DPH6: variants seen among roughly 807,000 people sequenced by gnomAD.
DPH6 encodes the protein diphthamine biosynthesis 6, also known as diphthine--ammonia ligase.
A neutral mutation model predicts 38.2 loss-of-function variants in DPH6; 33 were observed. The observed-to-expected ratio is 0.86, with a 90% CI of 0.65 to 1.15. The LOEUF is 1.15. DPH6 is among the 50% of genes most tolerant of loss of function. DPH6 has a pLI of 0.00. For missense variants in DPH6, 325 were observed against 320.0 expected (o/e 1.02, Z -0.12); for synonymous variants, 108 against 103.0 (o/e 1.05, Z -0.30).
In DPH6 at chr15:35,450,734, C is replaced by G. The variant is rs920672304; in HGVS notation, c.456G>C (p.Glu152Asp). 6.2e-7 allele frequency: 1 copy of G among 1,613,280 alleles called. No homozygotes were observed. Among genetic ancestry groups the G allele is most frequent in the Admixed American group, 1.7e-5 (1 of 59,936 alleles). Residue 152 changes from glutamate (E) to aspartate (D), a missense_variant, in exon 5 of 9, where the codon GAG becomes GAC. By Grantham distance (45) the Glu-to-Asp change is conservative (BLOSUM62 2). Coordinates refer to ENST00000256538, the MANE Select transcript of DPH6 (RefSeq NM_080650.4). ...WQRNQEDLLREMISSNIQAMI... is the reference protein window; with the variant it reads ...WQRNQEDLLRDMISSNIQAMI... Reference sequence around the variant, plus strand: ...TTGCTTGAATGTTAGATGATATCATCTCTCTGAGCAAATCTTCCTGGTTTC... The same window carrying G: ...TTGCTTGAATGTTAGATGATATCATGTCTCTGAGCAAATCTTCCTGGTTTC...
chr15:35,383,547 A>G (rs2052900760), intron 6 of DPH6, among the ~76,000 whole-genome samples: 2 of 152,214 alleles, frequency 1.3e-5, no homozygotes, highest in African/African-American at 2.4e-5. Context: ...AACATCACAC[A>G]CTAATGACGC....
At chr15:35,181,272 G>A in the DPH6 span, among the ~76,000 whole-genome samples, 2 of 151,944 alleles carry the variant, frequency 1.3e-5, no homozygotes, top group African/African-American at 4.8e-5. Context: ...TTACATTTGT[G>A]TTAGTGCCAG....
rs2052707362 is a variant in DPH6 at position 35,371,059 on chromosome 15, T to C, written c.*1091A>G. 4 of 151,648 alleles carry C rather than the reference T, an allele frequency of 2.6e-5. No homozygotes were observed. Among genetic ancestry groups the C allele is most frequent in the East Asian group, 3.9e-4 (2 of 5,148 alleles). The allele number at this position is 151,648 out of a possible 1,614,324, so 9.4% of individuals were successfully genotyped here. A position where few individuals can be genotyped will look rare whatever the true frequency, so the allele number is the denominator to read the frequency against. ...CAAGATACAGAGAAACCTAAATGCA[T>C]ATTAATACATGAAAGAAGCCAATCT... is the stretch of plus-strand genomic sequence containing the variant. On this transcript the variant is annotated 3_prime_UTR_variant, in exon 9 of 9. Transcript: ENST00000256538.
chr15:35,255,836 C>G (rs1419942326), intron 3 of DPH6, among the ~76,000 whole-genome samples: 4 of 151,752 alleles, frequency 2.6e-5, no homozygotes, highest in Admixed American at 2.0e-4. Flanking sequence ...TTCATTCTAT[C>G]CATTAGGATT....
At chr15:35,312,891 A>G (rs1288920075) in intron 3 of DPH6, among the ~76,000 whole-genome samples, 4 of 152,084 alleles carry the variant, frequency 2.6e-5, no homozygotes, top group African/African-American at 9.7e-5. Context: ...GTTTGTTTTT[A>G]TACCACTACC....
intron 5 of DPH6, among the ~76,000 whole-genome samples, chr15:35,444,857 G>C (rs535390646): frequency 6.7e-6 from 1 of 149,104 alleles, no homozygotes; most frequent in East Asian, 2.0e-4. Context: ...GGTCTGATTT[G>C]GTATGATATT....
At chr15:35,313,681 G>T (rs2052163328) in intron 3 of DPH6, among the ~76,000 whole-genome samples, 1 of 151,964 alleles carries the variant, frequency 6.6e-6, no homozygotes, top group Non-Finnish European at 1.5e-5. Context: ...TTTGTATCCT[G>T]CAATTATTGA....
intron 5 of DPH6, among the ~76,000 whole-genome samples, chr15:35,414,041 G>C (rs10520001): frequency 0.31 from 46,148 of 151,246 alleles, 7,694 homozygotes; most frequent in African/African-American, 0.45. Context: ...CACTAAACAG[G>C]CTTCATCATT....
intron 3 of DPH6, among the ~76,000 whole-genome samples, chr15:35,356,438 T>C (rs2140900101): frequency 6.6e-6 from 1 of 152,342 alleles, no homozygotes; most frequent in South Asian, 2.1e-4. Flanking sequence ...TCTTTGATGA[T>C]GGTGACGTAC....
chr15:35,521,697 T>C, intron 3 of DPH6: 1 of 1,231,334 alleles, frequency 8.1e-7, no homozygotes. Flanking sequence ...AAGAGCAGCA[T>C]ATTAAAATCA....
chr15:35,370,141 T>A (rs1014333717), downstream of DPH6, among the ~76,000 whole-genome samples: 5 of 151,712 alleles, frequency 3.3e-5, no homozygotes, highest in African/African-American at 1.2e-4. Flanking sequence ...ACTGAATAAC[T>A]ACATTTTTAA....
At chr15:35,163,526 G>A in the DPH6 span, among the ~76,000 whole-genome samples, 1 of 151,848 alleles carries the variant, frequency 6.6e-6, no homozygotes, top group Non-Finnish European at 1.5e-5. Flanking sequence ...AATAGAATAA[G>A]CTAATGCATA....
At chr15:35,323,144 T>C (rs977962102) in intron 3 of DPH6, among the ~76,000 whole-genome samples, 1 of 152,130 alleles carries the variant, frequency 6.6e-6, no homozygotes, top group Non-Finnish European at 1.5e-5. Flanking sequence ...AGTGGAGACA[T>C]AAAGTAATTA....
At chr15:35,474,563 T>A (rs1028619203) in intron 3 of DPH6, among the ~76,000 whole-genome samples, 2 of 152,176 alleles carry the variant, frequency 1.3e-5, no homozygotes, top group African/African-American at 4.8e-5. Flanking sequence ...TGCCAGTTTT[T>A]CTTCATAGAT....
intron 3 of DPH6, among the ~76,000 whole-genome samples, chr15:35,305,449 G>A (rs2052082720): frequency 6.6e-6 from 1 of 151,704 alleles, no homozygotes; most frequent in African/African-American, 2.4e-5. Flanking sequence ...TTATTCCTGT[G>A]ATTCAAACCA....
intron 3 of DPH6, among the ~76,000 whole-genome samples, chr15:35,272,644 C>G (rs896918444): frequency 2.0e-5 from 3 of 152,064 alleles, no homozygotes; most frequent in Non-Finnish European, 4.4e-5. Context: ...CATGGTGGCT[C>G]ACACCTGTAA....
chr15:35,295,339 C>CT (rs2140790864), intron 3 of DPH6, among the ~76,000 whole-genome samples: 1 of 152,294 alleles, frequency 6.6e-6, no homozygotes, highest in South Asian at 2.1e-4. Flanking sequence ...TTGACTTTTT[C>CT]TTCACCTTTT....
chr15:35,255,294 C>T (rs535898102), intron 3 of DPH6, among the ~76,000 whole-genome samples: 1 of 152,196 alleles, frequency 6.6e-6, no homozygotes, highest in South Asian at 2.1e-4. Context: ...TTCTTAAATC[C>T]CCTCAAATAG....
chr15:35,436,505 A>AAACAAACAAAC (rs761091819), intron 5 of DPH6, among the ~76,000 whole-genome samples: 2 of 50,098 alleles, frequency 4.0e-5, no homozygotes, highest in South Asian at 9.4e-4. Context: ...AAAACAAAAC[A>AAACAAACAAAC]AAACAAAACA....
Sources: gnomAD v4.1 joint callset for allele counts (sites outside exome capture counted in the v4.1 genomes callset) on GRCh38, gnomAD v4.1.1 for gene constraint, MANE v1.5 for transcripts, NCBI Gene and HGNC (gene_info 2026-07-23, HGNC 2026-07-21) for gene names.